Variants in DNAH12 observed in about 807,000 individuals in gnomAD.
DNAH12 encodes axonemal beta dynein heavy chain 12.
A neutral mutation model predicts 371.5 loss-of-function variants in DNAH12; 285 were observed. The observed-to-expected ratio is 0.77, with a 90% CI of 0.70 to 0.85. The LOEUF (loss-of-function observed/expected upper bound fraction) is 0.85, where lower values mean the gene tolerates loss of function less well. Ranked by LOEUF, DNAH12 falls within the 40% of genes least tolerant of loss-of-function variation. The pLI, the probability that DNAH12 is intolerant of heterozygous loss-of-function variation, is 0.00. For synonymous variants in DNAH12, 1,200 were observed against 1,213.0 expected, an observed-to-expected ratio of 0.99 and a Z score of 0.22; for missense variants, 3,611 against 3,689.4, an observed-to-expected ratio of 0.98 and a Z score of 0.55.
At chr3:57,520,159 C>A in intron 4 of DNAH12, 1 of 409,844 alleles carries the variant, frequency 2.4e-6, no homozygotes, top group Non-Finnish European at 4.6e-6. Context: ...GTCGCCCAGA[C>A]TGGAGTGCAG....
intron 22 of DNAH12, among the ~76,000 whole-genome samples, chr3:57,456,506 G>A (rs113641958): frequency 0.01 from 1,597 of 152,310 alleles, 18 homozygotes; most frequent in African/African-American, 0.036. Flanking sequence ...GATACATGTA[G>A]TGCCAAGTGT....
rs542261316 is a variant in DNAH12 at position 57,458,794 on chromosome 3, A to G, written c.2932-574T>C. ...TGGCTGCTTTCTCACTGCAACGACA[A>G]CAGAATTGAGTAGCTGCAAGAAAGA... On this transcript the variant is annotated intron_variant, in intron 20 of 73. Coordinates refer to ENST00000495027, the MANE Select transcript of DNAH12 (RefSeq NM_001366028.2). 3.3e-5 allele frequency among the ~76,000 whole-genome samples: 5 copies of G among 152,330 alleles called. No individual in the cohort carries two copies. In the South Asian group the frequency reaches 1.0e-3, roughly 32 times the overall value.
Position 57,390,751 on chromosome 3 carries a change from A to G in DNAH12, c.7305+1121T>C, listed in dbSNP as rs1033511993. 3.9e-4 allele frequency among the ~76,000 whole-genome samples: 57 copies of G among 146,704 alleles called. No homozygotes were observed. In the Middle Eastern group the frequency reaches 0.011, roughly 28 times the overall value. On this transcript the variant is annotated intron_variant, in intron 45 of 73. Transcript: ENST00000495027. ...GTGGCCTTCATCATTTGCTTCCAGCATGACTGAAATTGTTGCCCAGTTGGT... is the reference window on the plus strand; with the variant it reads ...GTGGCCTTCATCATTTGCTTCCAGCGTGACTGAAATTGTTGCCCAGTTGGT...
In DNAH12 at chr3:57,526,526, TC is replaced by T. The variant is rs1311287602; in HGVS notation, c.171-2643del. 6.0e-4 allele frequency among the ~76,000 whole-genome samples: 87 copies of T among 146,024 alleles called. No homozygotes were observed. The East Asian group carries it at 0.017, about 29-fold the overall frequency. On this transcript the variant is annotated intron_variant, in intron 2 of 73. Transcript: ENST00000495027. ...TATGGACACTGAGGTTGTTTCCAGATCTTTTTTTTTTTTTTTTTTTTGAGAC... is the reference window on the plus strand; with the variant it reads ...TATGGACACTGAGGTTGTTTCCAGATTTTTTTTTTTTTTTTTTTTTGAGAC...
At chr3:57,501,818 CA>C (rs2067557243) in intron 10 of DNAH12, among the ~76,000 whole-genome samples, 1 of 152,160 alleles carries the variant, frequency 6.6e-6, no homozygotes, top group African/African-American at 2.4e-5. Flanking sequence ...GAATTATTCC[CA>C]ACATTTCTTC....
At chr3:57,317,485 C>G (rs1206823005) in intron 65 of DNAH12, among the ~76,000 whole-genome samples, 1 of 152,144 alleles carries the variant, frequency 6.6e-6, no homozygotes, top group East Asian at 1.9e-4. Context: ...CTTTCTGTGA[C>G]TGGCTTAGTT....
intron 60 of DNAH12, among the ~76,000 whole-genome samples, chr3:57,348,322 A>T (rs782108796): frequency 9.2e-5 from 14 of 152,206 alleles, no homozygotes; most frequent in Non-Finnish European, 1.8e-4. Context: ...AACCATGGAG[A>T]TAACAAAAGA....
chr3:57,513,785 T>C (rs2068085559), intron 4 of DNAH12, among the ~76,000 whole-genome samples: 1 of 152,222 alleles, frequency 6.6e-6, no homozygotes, highest in Non-Finnish European at 1.5e-5. Flanking sequence ...ACAAAAATTT[T>C]TTTTTAAATA....
At chr3:57,489,111 C>A (rs189293447) in intron 12 of DNAH12, among the ~76,000 whole-genome samples, 11 of 152,194 alleles carry the variant, frequency 7.2e-5, no homozygotes, top group African/African-American at 2.4e-4. Flanking sequence ...TTTATAGCCA[C>A]CCTGAAAAGT....
At chr3:57,540,772 T>C (rs2069244413) in intron 2 of DNAH12, among the ~76,000 whole-genome samples, 1 of 151,558 alleles carries the variant, frequency 6.6e-6, no homozygotes, top group African/African-American at 2.4e-5. Context: ...TCTTCAAAAA[T>C]ACAAAAAATT....
Position 57,345,739 on chromosome 3 carries a change from T to C in DNAH12, c.9674+6346A>G, listed in dbSNP as rs571116060. Among the ~76,000 whole-genome samples the C allele has an allele frequency of 3.3e-5, 5 of 152,322 alleles. No homozygotes were observed. In the South Asian group the frequency reaches 1.0e-3, roughly 32 times the overall value. On this transcript the variant is annotated intron_variant, in intron 60 of 73. Coordinates refer to ENST00000495027, the MANE Select transcript of DNAH12 (RefSeq NM_001366028.2). Reference sequence around the variant, plus strand: ...ACTGCAAATGATGCCATGTATGAACTGTGTGTGAGCTTTGATAAATTTCAA... The same window carrying C: ...ACTGCAAATGATGCCATGTATGAACCGTGTGTGAGCTTTGATAAATTTCAA...
At chr3:57,448,195 T>C (rs12485434) in intron 25 of DNAH12, among the ~76,000 whole-genome samples, 64,485 of 152,018 alleles carry the variant, frequency 0.42, 15,274 homozygotes, top group South Asian at 0.57. Context: ...CTTACAGCTC[T>C]TAAGGTGGCG....
At position 57,464,013 on chromosome 3, in the gene DNAH12, C is replaced by T. The variant is rs564484671; in HGVS notation, c.2350-1138G>A. Among the ~76,000 whole-genome samples, 162 of 151,994 alleles carry T rather than the reference C, an allele frequency of 1.1e-3. 1 individual carries two copies. The highest frequency in any genetic ancestry group is 2.3e-3 in the South Asian group (11 of 4,806). On this transcript the variant is annotated intron_variant, in intron 17 of 73. Transcript: ENST00000495027. ...ATCGGACTTCCACATCTGCATTGCC[C>T]CTCCCTCTATTCTGTCTGGTACCAA...
rs1435509499 is a variant in DNAH12, at chr3:57,296,872, A to G, written c.11507T>C (p.Ile3836Thr). The change falls in exon 71 of 74, where the codon ATT (isoleucine) becomes ACT (threonine). Residue 3836 changes from isoleucine (I) to threonine (T), a missense_variant. By Grantham distance (89) the Ile-to-Thr change is moderately conservative. This residue lies in a region of DNAH12 where 2,266 missense variants were observed against 2,236.9 expected (regional missense o/e 1.01). Transcript: ENST00000495027. ...CTCAAATTCATATCCTAGCAAATCA[A>G]TAGGGGTGGTATATTTTCTGGCATA... ...QNYARKYTTPIDLLGYEFEVI... is the reference protein window; with the variant it reads ...QNYARKYTTPTDLLGYEFEVI... 7.7e-6 allele frequency: 12 copies of G among 1,551,516 alleles called. No homozygotes were observed. Among genetic ancestry groups the G allele is most frequent in the South Asian group, 2.4e-5 (2 of 84,040 alleles).
chr3:57,310,831 C>G lies in DNAH12; in HGVS notation c.10782G>C (p.Leu3594=), dbSNP rs2061568546. The G allele has an allele frequency of 6.4e-7, 1 of 1,551,422 alleles. No individual in the cohort carries two copies. Among genetic ancestry groups the G allele is most frequent in the Admixed American group, 2.0e-5 (1 of 50,960 alleles). The change falls in exon 67 of 74, where the codon CTG becomes CTC. Residue 3594 remains leucine, a synonymous_variant. Coordinates refer to ENST00000495027, the MANE Select transcript of DNAH12 (RefSeq NM_001366028.2). ...CTATGTACAGATTATAAAAGTCAGC[C>G]AGCATGGTTAATAGAAGACGTCTGT... ...DWDRRLLLTM[L]ADFYNLYIVE... is the part of the protein sequence containing the mutation.
chr3:57,402,358 C>T (rs1553679183), intron 43 of DNAH12: 1 of 1,298,354 alleles, frequency 7.7e-7, no homozygotes, highest in Admixed American at 2.3e-5. Flanking sequence ...CTACAGACCC[C>T]TAGGCATATA....
chr3:57,462,953 T>G (rs1042230491), intron 17 of DNAH12, 78 bp from the exon 18 acceptor site: 1 of 946,264 alleles, frequency 1.1e-6, no homozygotes, highest in East Asian at 2.6e-5. Context: ...GAAGCCTTGA[T>G]GATATAAGGG....
chr3:57,447,999 T>C (rs1471446136), intron 25 of DNAH12, among the ~76,000 whole-genome samples: 2 of 152,206 alleles, frequency 1.3e-5, no homozygotes, highest in African/African-American at 4.8e-5. Flanking sequence ...TTATAATGGA[T>C]GCCATATTGT....
At chr3:57,460,654 A>G (rs2066029424) in intron 19 of DNAH12, among the ~76,000 whole-genome samples, 1 of 152,172 alleles carries the variant, frequency 6.6e-6, no homozygotes, top group Non-Finnish European at 1.5e-5. Context: ...GTCCTCTTGG[A>G]AGAACATTAC....
Sources: gnomAD v4.1 joint callset for allele counts (sites outside exome capture counted in the v4.1 genomes callset) on GRCh38, gnomAD v4.1.1 for gene constraint, gnomAD v4.1.1 regional missense constraint, MANE v1.5 for transcripts, NCBI Gene and HGNC (gene_info 2026-07-23, HGNC 2026-07-21) for gene names.